Variants in NAPA observed in about 807,000 individuals in gnomAD.
NAPA encodes alpha-soluble NSF attachment protein.
Under a neutral mutation model 48.0 loss-of-function variants are expected in NAPA, and 18 were observed. The observed-to-expected ratio is 0.38, with a 90% CI of 0.26 to 0.56. The LOEUF (loss-of-function observed/expected upper bound fraction) is 0.56, where lower values mean the gene tolerates loss of function less well. Among genes scored for constraint, NAPA ranks in the 20% least tolerant of loss-of-function variants. The pLI, the probability that NAPA is intolerant of heterozygous loss-of-function variation, is 0.77. For missense variants in NAPA, 315 were observed against 385.0 expected (o/e 0.82, Z 1.52); for synonymous variants, 152 against 149.9 (o/e 1.01, Z -0.10).
At chr19:47,487,466 C>T (rs73043169), downstream of NAPA, among the ~76,000 whole-genome samples, 771 of 152,212 alleles carry the variant, frequency 5.1e-3, 12 homozygotes, top group Middle Eastern at 6.8e-3. Context: ...CCAGGCCCAC[C>T]GTCCCTGGGT....
chr19:47,502,208 T>A (rs958191510), intron 2 of NAPA, among the ~76,000 whole-genome samples: 1 of 111,620 alleles, frequency 9.0e-6, no homozygotes, highest in Non-Finnish European at 1.6e-5. Flanking sequence ...GCCACTGCAC[T>A]CCAGCCTGGC....
chr19:47,499,892 G>A (rs1968528954), intron 3 of NAPA, among the ~76,000 whole-genome samples: 1 of 152,212 alleles, frequency 6.6e-6, no homozygotes, highest in Admixed American at 6.5e-5. Flanking sequence ...CCATTCCCCT[G>A]AGATGACAGT....
At chr19:47,488,629 A>AC in intron 10 of NAPA, 1 of 303,078 alleles carries the variant, frequency 3.3e-6, no homozygotes, top group Admixed American at 4.7e-5. Flanking sequence ...AAAAAAAAAA[A>AC]AGGTCCATGG....
Position 47,503,467 on chromosome 19 carries a change from T to G in NAPA, c.134A>C (p.Tyr45Ser). Reference protein sequence around the residue: ...SSKIEEACEIYARAANMFKMA... With the variant: ...SSKIEEACEISARAANMFKMA... ...TTTGAACATGTTTGCTGCTCTGGCG[T>G]AGATTTCGCATGCTTCCTCTATTTT... Residue 45 changes from tyrosine to serine, a missense_variant, in exon 2 of 11, where the codon TAC (tyrosine) becomes TCC (serine). By Grantham distance (144) the Tyr-to-Ser change is moderately radical. This residue lies in a region of NAPA where 173 missense variants were observed against 213.5 expected (regional missense o/e 0.81). Transcript: ENST00000263354. 6.2e-7 allele frequency: 1 copy of G among 1,614,226 alleles called. No individual in the cohort carries two copies. Among genetic ancestry groups the G allele is most frequent in the South Asian group, 1.1e-5 (1 of 91,090 alleles).
chr19:47,512,535 A>T (rs1357607947), intron 1 of NAPA, among the ~76,000 whole-genome samples: 1 of 152,134 alleles, frequency 6.6e-6, no homozygotes, highest in Non-Finnish European at 1.5e-5. Context: ...CCAACAGCCC[A>T]CTAATCCCTG....
intron 3 of NAPA, chr19:47,496,306 C>T (rs567598250): frequency 6.5e-6 from 1 of 153,290 alleles, no homozygotes; most frequent in African/African-American, 2.4e-5. Flanking sequence ...AACCTGAACA[C>T]ACCAGGATGG....
intron 4 of NAPA, chr19:47,495,214 G>C (rs536297918): frequency 2.8e-6 from 1 of 356,398 alleles, no homozygotes; most frequent in African/African-American, 2.1e-5. Flanking sequence ...GGCTGGTCTC[G>C]AACTCCTGTG....
At chr19:47,488,925 A>G (rs1968164840) in intron 10 of NAPA, 1 of 151,444 alleles carries the variant, frequency 6.6e-6, no homozygotes, top group South Asian at 2.1e-4. Context: ...TCAAAAAAAA[A>G]AAAAAAAGTC....
At chr19:47,499,169 A>C (rs1392321757) in intron 3 of NAPA, among the ~76,000 whole-genome samples, 1 of 152,338 alleles carries the variant, frequency 6.6e-6, no homozygotes, top group South Asian at 2.1e-4. Flanking sequence ...GATCAAACGC[A>C]GGGGAGGGAC....
chr19:47,504,093 A>T (rs922803167), intron 1 of NAPA, among the ~76,000 whole-genome samples: 40 of 149,508 alleles, frequency 2.7e-4, no homozygotes, highest in African/African-American at 9.8e-4. Context: ...TTTGTGTTTA[A>T]AAAAAAAAGA....
intron 3 of NAPA, chr19:47,495,868 G>A (rs1599901121): frequency 2.1e-6 from 1 of 471,242 alleles, no homozygotes; most frequent in East Asian, 4.1e-5. Flanking sequence ...CGGGCTGCCA[G>A]GATGCTACCA....
At chr19:47,492,526 G>C (rs144400406) in intron 7 of NAPA, 1 of 381,422 alleles carries the variant, frequency 2.6e-6, no homozygotes, top group Non-Finnish European at 5.0e-6. Context: ...CCTTTTTCTC[G>C]GCCATCACCC....
intron 9 of NAPA, among the ~76,000 whole-genome samples, chr19:47,490,120 GGT>G (rs945541681): frequency 2.7e-5 from 4 of 148,582 alleles, no homozygotes; most frequent in Admixed American, 2.7e-4. Context: ...TGTGGTGTTT[GGT>G]GTGTGTTGAG....
intron 10 of NAPA, 34 bp from the exon 11 acceptor site, chr19:47,488,423 TCCC>T: frequency 6.5e-7 from 1 of 1,549,696 alleles, no homozygotes; most frequent in Non-Finnish European, 8.9e-7. Flanking sequence ...CTGGCCATGC[TCCC>T]CCCGTTCCCA....
chr19:47,511,175 G>A (rs1051869091), intron 1 of NAPA, among the ~76,000 whole-genome samples: 3 of 152,180 alleles, frequency 2.0e-5, no homozygotes, highest in Non-Finnish European at 4.4e-5. Flanking sequence ...GAGCCGCAAC[G>A]CTCCCTTCTC....
chr19:47,493,502 G>C lies in NAPA; in HGVS notation c.343-9C>G. 1.2e-6 allele frequency: 2 copies of C among 1,613,438 alleles called. No individual in the cohort carries two copies. The highest frequency in any genetic ancestry group is 1.7e-6 in the Non-Finnish European group (2 of 1,179,678). On this transcript the variant is annotated splice_polypyrimidine_tract_variant and intron_variant, in intron 4 of 10. Transcript: ENST00000263354. This position sits in a 1 kb window ranked among gnomAD's most constrained non-coding sequence, Gnocchi z 6.4. ...GCAATCGTGAATCGGCCCTGGAGGG[G>C]ACACAGGAAGGGGCTGCCTGCGACT...
In NAPA at chr19:47,492,129, T is replaced by C. The variant is rs377430548; in HGVS notation, c.562-10A>G. 82 of 1,611,052 alleles carry C rather than the reference T, an allele frequency of 5.1e-5. No individual in the cohort carries two copies. Among genetic ancestry groups the C allele is most frequent in the African/African-American group, 6.7e-5 (5 of 74,964 alleles). On this transcript the variant is annotated splice_polypyrimidine_tract_variant and intron_variant, in intron 7 of 10. Coordinates refer to ENST00000263354, the MANE Select transcript of NAPA (RefSeq NM_003827.4). ...TGGCATTGGTCCCCACCTGTAGCCA[T>C]GGAGAAGTGGCACTGGTGAGCTCAG...
At position 47,493,211 on chromosome 19, in the gene NAPA, A is replaced by G; in HGVS notation, c.421-37T>C. On this transcript the variant is annotated intron_variant, in intron 5 of 10. Coordinates refer to ENST00000263354, the MANE Select transcript of NAPA (RefSeq NM_003827.4). This position sits in a 1 kb window ranked among gnomAD's most constrained non-coding sequence, Gnocchi z 6.4. ...CGGGGGATGGGTTCCAGGGGAGGGC[A>G]GGGAAGGGAGAGGAGGCCTCCGTGA... The G allele has an allele frequency of 6.4e-7, 1 of 1,560,428 alleles. No individual in the cohort carries two copies. Among genetic ancestry groups the G allele is most frequent in the Non-Finnish European group, 8.7e-7 (1 of 1,148,122 alleles).
Position 47,493,292 on chromosome 19 carries a change from A to G in NAPA, c.421-118T>C. On this transcript the variant is annotated intron_variant, in intron 5 of 10. Coordinates refer to ENST00000263354, the MANE Select transcript of NAPA (RefSeq NM_003827.4). The surrounding 1 kb of genome is among the most constrained non-coding windows in gnomAD (Gnocchi z 6.4). ...GGACACAGCCAGACCCCATTCTCCA[A>G]GCTCTGCCGGCGCCCCATGCCCCCT... The G allele has an allele frequency of 6.7e-7, 1 of 1,489,330 alleles. No homozygotes were observed. The allele number at this position is 1,489,330 out of a possible 1,614,324, so 92.3% of individuals were successfully genotyped here.
Sources: allele counts gnomAD v4.1 joint callset (sites outside exome capture counted in the v4.1 genomes callset), GRCh38; gene constraint gnomAD v4.1.1; regional missense constraint gnomAD v4.1.1; non-coding constraint Gnocchi (gnomAD v3.1); transcripts MANE v1.5; gene names NCBI Gene and HGNC (gene_info 2026-07-23, HGNC 2026-07-21).